RUFY1: variants seen among roughly 807,000 people sequenced by gnomAD.
RUFY1 encodes the protein RUN and FYVE domain containing 1.
A neutral mutation model predicts 94.6 loss-of-function variants in RUFY1; 54 were observed. The observed-to-expected ratio is 0.57, with a 90% CI of 0.46 to 0.72. The LOEUF is 0.72. Ranked by LOEUF, RUFY1 falls within the 30% of genes least tolerant of loss-of-function variation. The pLI is 0.00. For synonymous variants in RUFY1, 396 were observed against 347.3 expected, an observed-to-expected ratio of 1.14 and a Z score of -1.56; for missense variants, 883 against 883.9, an observed-to-expected ratio of 1.00 and a Z score of 0.01.
intron 1 of RUFY1, 147 bp downstream of exon 1, chr5:179,551,026 C>A: frequency 1.4e-6 from 1 of 702,884 alleles, no homozygotes; most frequent in Non-Finnish European, 1.8e-6. Context: ...CCTGGCTGCG[C>A]CTGGGTCTTT....
intron 16 of RUFY1, chr5:179,606,806 T>C (rs1308032564): frequency 2.6e-5 from 4 of 152,276 alleles, no homozygotes; most frequent in African/African-American, 9.7e-5. Flanking sequence ...GCCCCAAGGG[T>C]ATATGGCTCT....
intron 7 of RUFY1, among the ~76,000 whole-genome samples, chr5:179,584,159 T>G (rs1449480567): frequency 2.0e-5 from 3 of 152,138 alleles, no homozygotes; most frequent in Non-Finnish European, 4.4e-5. Context: ...TATCTTTTGG[T>G]TTTTTTCCCT....
intron 8 of RUFY1, among the ~76,000 whole-genome samples, chr5:179,587,444 C>T (rs1269732926): frequency 8.4e-5 from 12 of 142,820 alleles, no homozygotes; most frequent in Admixed American, 6.6e-4. Context: ...GCAGTAGTGA[C>T]GTGATCTCCG....
At chr5:179,572,592 TG>T in intron 5 of RUFY1, 1 of 228,056 alleles carries the variant, frequency 4.4e-6, no homozygotes, top group Non-Finnish European at 9.2e-6. Flanking sequence ...GATTTGCCTC[TG>T]GGGTGCTCCA....
chr5:179,586,928 A>G (rs1764651573), intron 8 of RUFY1, among the ~76,000 whole-genome samples: 1 of 152,228 alleles, frequency 6.6e-6, no homozygotes, highest in Non-Finnish European at 1.5e-5. Flanking sequence ...TGCTCAGGAC[A>G]ACACTTGCCA....
At chr5:179,573,713 G>A (rs1185649170) in intron 5 of RUFY1, among the ~76,000 whole-genome samples, 2 of 151,966 alleles carry the variant, frequency 1.3e-5, no homozygotes, top group Admixed American at 6.6e-5. Flanking sequence ...TAGTAGAGAT[G>A]GGGTTTCACT....
At chr5:179,580,096 A>C (rs1468805555) in intron 6 of RUFY1, among the ~76,000 whole-genome samples, 2 of 152,096 alleles carry the variant, frequency 1.3e-5, no homozygotes, top group African/African-American at 4.8e-5. Context: ...CGTAAGAAAG[A>C]ATAAAGTGTA....
intron 10 of RUFY1, 82 bp from the exon 11 acceptor site, chr5:179,593,396 G>T (rs571180647): frequency 6.7e-7 from 1 of 1,493,394 alleles, no homozygotes; most frequent in African/African-American, 1.4e-5. Flanking sequence ...TGTATTTTAA[G>T]CATTACCTGA....
intron 5 of RUFY1, 149 bp downstream of exon 5, chr5:179,569,574 G>A (rs1028123475): frequency 2.3e-5 from 18 of 790,088 alleles, no homozygotes; most frequent in South Asian, 9.3e-5. Context: ...GGAAGGTCTC[G>A]GAAGGGTGAA....
At position 179,550,647 on chromosome 5, in the gene RUFY1, CG is replaced by C; in HGVS notation, c.81del (p.Ser28GlnfsTer40). The C allele has an allele frequency of 7.1e-7, 1 of 1,418,252 alleles. No individual in the cohort carries two copies. Among genetic ancestry groups the C allele is most frequent in the Non-Finnish European group, 9.1e-7 (1 of 1,094,996 alleles). The allele number at this position is 1,418,252 out of a possible 1,614,324, so 87.9% of individuals were successfully genotyped here. ...EPELEPGPGP[G>X]SALEPGEEFE... ...CGGAGCTGGAGCCGGGGCCGGGGCC[CG>C]GGTCAGCGCTTGAGCCGGGAGAAGA... is the stretch of plus-strand genomic sequence containing the variant. On this transcript the variant is annotated frameshift_variant, in exon 1 of 18. Coordinates refer to ENST00000319449, the MANE Select transcript of RUFY1 (RefSeq NM_025158.5). LOFTEE classifies it high-confidence loss of function.
chr5:179,573,574 G>A (rs185023143), intron 5 of RUFY1, among the ~76,000 whole-genome samples: 1 of 151,974 alleles, frequency 6.6e-6, no homozygotes, highest in Non-Finnish European at 1.5e-5. Flanking sequence ...CCAGGTTGAA[G>A]TGCAGTGGCA....
At position 179,550,823 on chromosome 5, in the gene RUFY1, T is replaced by C; in HGVS notation, c.254T>C (p.Leu85Pro). The C allele has an allele frequency of 3.2e-6, 4 of 1,255,844 alleles. No individual in the cohort carries two copies. Among genetic ancestry groups the C allele is most frequent in the Non-Finnish European group, 3.0e-6 (3 of 1,004,500 alleles). The allele number at this position is 1,255,844 out of a possible 1,614,324, so 77.8% of individuals were successfully genotyped here. A position where few individuals can be genotyped will look rare whatever the true frequency, so the allele number is the denominator to read the frequency against. The change falls in exon 1 of 18, where the codon CTG (leucine) becomes CCG (proline). Residue 85 changes from leucine (L) to proline (P), a missense_variant. Physicochemically the swap from Leu to Pro is moderately conservative, Grantham distance 98 (BLOSUM62 -3). Transcript: ENST00000319449. ...GNLSASCGSA[L>P]RAAAGLGGGD... ...CTGTCGGCGAGCTGCGGGAGCGCGC[T>C]GCGCGCGGCCGCGGGGCTGGGCGGC...
intron 7 of RUFY1, among the ~76,000 whole-genome samples, chr5:179,584,565 T>C (rs1764444886): frequency 6.6e-6 from 1 of 151,912 alleles, no homozygotes; most frequent in Non-Finnish European, 1.5e-5. Context: ...GAGGATCACC[T>C]GAGCCCAGGA....
chr5:179,551,128 G>C (rs1761822322), intron 1 of RUFY1, among the ~76,000 whole-genome samples: 1 of 152,180 alleles, frequency 6.6e-6, no homozygotes, highest in South Asian at 2.1e-4. Flanking sequence ...CACTAACTAG[G>C]TGAAGGACGT....
intron 5 of RUFY1, among the ~76,000 whole-genome samples, chr5:179,574,204 G>A (rs978994312): frequency 7.3e-4 from 111 of 152,204 alleles, no homozygotes; most frequent in African/African-American, 2.6e-3. Context: ...AGACCGCCCT[G>A]ACCAACATGG....
chr5:179,593,687 C>T (rs923033159), intron 11 of RUFY1, 42 bp downstream of exon 11: 3 of 1,596,996 alleles, frequency 1.9e-6, no homozygotes, highest in Middle Eastern at 1.7e-4. Context: ...CTGGTTTCTG[C>T]TGCTCGCCAG....
intron 13 of RUFY1, among the ~76,000 whole-genome samples, chr5:179,597,237 T>C (rs1190988660): frequency 1.3e-5 from 2 of 151,328 alleles, no homozygotes; most frequent in Non-Finnish European, 2.9e-5. Context: ...GTTTGTGTTT[T>C]GTTTTGTTTT....
intron 4 of RUFY1, 155 bp from the exon 5 acceptor site, chr5:179,569,147 G>A (rs962650192): frequency 5.4e-5 from 53 of 985,106 alleles, no homozygotes; most frequent in Middle Eastern, 1.0e-3. Context: ...AAAAGCAGCC[G>A]TTGAAGCAGT....
chr5:179,555,621 C>CTTTTTTTT (rs10556244), intron 1 of RUFY1: 19 of 249,712 alleles, frequency 7.6e-5, no homozygotes, highest in Admixed American at 1.9e-4. Flanking sequence ...AAACTCCCAA[C>CTTTTTTTT]TTTTTTTTTT....
Sources: allele counts gnomAD v4.1 joint callset (sites outside exome capture counted in the v4.1 genomes callset), GRCh38; gene constraint gnomAD v4.1.1; transcripts MANE v1.5; gene names NCBI Gene and HGNC (gene_info 2026-07-23, HGNC 2026-07-21).